The following NRG2 variants were observed in gnomAD, a reference collection of about 807,000 sequenced individuals.
NRG2 encodes the protein pro-neuregulin-2, membrane-bound isoform.
In NRG2, 27 loss-of-function variants were observed where a neutral mutation model predicts 73.9. The ratio of observed to expected loss-of-function variants is 0.37; its 90% confidence interval spans 0.27 to 0.50. NRG2 has a LOEUF of 0.50. Ranked by LOEUF, NRG2 falls within the 20% of genes least tolerant of loss-of-function variation. The pLI is 0.96. For missense variants in NRG2, 1,126 were observed against 1,210.1 expected (o/e 0.93, Z 1.03); for synonymous variants, 532 against 541.0 (o/e 0.98, Z 0.23).
chr5:139,888,767 T>G (rs1324365314), intron 1 of NRG2, among the ~76,000 whole-genome samples: 1 of 152,156 alleles, frequency 6.6e-6, no homozygotes, highest in Non-Finnish European at 1.5e-5. Context: ...TACACAATGA[T>G]TCTCGTAAAA....
At chr5:139,946,170 G>C (rs377156718) in intron 1 of NRG2, among the ~76,000 whole-genome samples, 4 of 151,918 alleles carry the variant, frequency 2.6e-5, no homozygotes, top group Admixed American at 6.6e-5. Flanking sequence ...TTTTGAAAAA[G>C]AAGAACAAAG....
At position 139,954,618 on chromosome 5, in the gene NRG2, T is replaced by C. The variant is rs997915927; in HGVS notation, c.701-67107A>G. 1.3e-5 allele frequency among the ~76,000 whole-genome samples: 2 copies of C among 152,208 alleles called. No homozygotes were observed. Among genetic ancestry groups the C allele is most frequent in the Non-Finnish European group, 2.9e-5 (2 of 68,028 alleles). On this transcript the variant is annotated intron_variant, in intron 1 of 9. Transcript: ENST00000361474. The surrounding 1 kb of genome is among the most constrained non-coding windows in gnomAD (Gnocchi z 5.0). Reference sequence around the variant, plus strand: ...TGGACGTCATCAATCCTCACTCCCATGGCTCTCCAGGCCAAGCCCTCCACC... The same window carrying C: ...TGGACGTCATCAATCCTCACTCCCACGGCTCTCCAGGCCAAGCCCTCCACC...
At chr5:140,041,531 A>G (rs1424144749) in intron 1 of NRG2, among the ~76,000 whole-genome samples, 1 of 152,168 alleles carries the variant, frequency 6.6e-6, no homozygotes, top group Non-Finnish European at 1.5e-5. Context: ...AGCATCCAAC[A>G]TCATGAAGAT....
intron 1 of NRG2, among the ~76,000 whole-genome samples, chr5:139,972,807 C>T (rs1360464310): frequency 6.6e-6 from 1 of 152,012 alleles, no homozygotes; most frequent in African/African-American, 2.4e-5. Context: ...AAGATTAATA[C>T]CCTAGATATA....
chr5:139,970,655 T>A (rs1423880525), intron 1 of NRG2, among the ~76,000 whole-genome samples: 1 of 152,192 alleles, frequency 6.6e-6, no homozygotes, highest in African/African-American at 2.4e-5. Flanking sequence ...TGGGACCATC[T>A]TCTCCTCTAG....
At position 140,042,400 on chromosome 5, in the gene NRG2, C is replaced by T. The variant is rs778129796; in HGVS notation, c.670G>A (p.Glu224Lys). ...LDTNGKNLKK[E>K]VGKILCTDCA... is the part of the protein sequence containing the mutation. ...TCAGTGCACAGGATCTTGCCCACCT[C>T]TTTCTTGAGATTTTTGCCGTTGGTA... The change falls in exon 1 of 10, where the codon GAG becomes AAG. Residue 224 changes from glutamate to lysine, a missense_variant. Around this residue, in one of 3 missense-constraint regions of NRG2, gnomAD observed 539 missense variants for 703.2 expected, o/e 0.77. Coordinates refer to ENST00000361474, the MANE Select transcript of NRG2 (RefSeq NM_004883.3). The T allele has an allele frequency of 1.3e-6, 2 of 1,596,060 alleles. No homozygotes were observed. The highest frequency in any genetic ancestry group is 1.7e-6 in the Non-Finnish European group (2 of 1,170,648).
At chr5:139,874,049 A>G (rs1661115864) in intron 3 of NRG2, among the ~76,000 whole-genome samples, 1 of 151,418 alleles carries the variant, frequency 6.6e-6, no homozygotes, top group South Asian at 2.1e-4. Context: ...TCCATCTCAG[A>G]AAGGCCACTC....
At chr5:139,855,115 A>C (rs1048629136) in intron 6 of NRG2, among the ~76,000 whole-genome samples, 1 of 152,056 alleles carries the variant, frequency 6.6e-6, no homozygotes, top group Non-Finnish European at 1.5e-5. Flanking sequence ...CCAGAGGGGG[A>C]CCAGCCCTGC....
chr5:139,877,759 AG>A (rs1239903948), intron 3 of NRG2, among the ~76,000 whole-genome samples: 2 of 152,224 alleles, frequency 1.3e-5, no homozygotes, highest in Admixed American at 6.5e-5. Flanking sequence ...TTTAGAGGGA[AG>A]GGGGCTTAAA....
chr5:140,021,267 T>C (rs1460882441), intron 1 of NRG2, among the ~76,000 whole-genome samples: 1 of 152,152 alleles, frequency 6.6e-6, no homozygotes, highest in African/African-American at 2.4e-5. Context: ...AAGTGACAAA[T>C]GGAGTTTAAA....
intron 1 of NRG2, among the ~76,000 whole-genome samples, chr5:140,004,120 A>G (rs935212767): frequency 6.6e-6 from 1 of 152,212 alleles, no homozygotes; most frequent in East Asian, 1.9e-4. Flanking sequence ...ATTTTCTGTG[A>G]GTGCCAGTAG....
At chr5:139,926,188 G>T (rs1351182833) in intron 1 of NRG2, among the ~76,000 whole-genome samples, 4 of 152,226 alleles carry the variant, frequency 2.6e-5, no homozygotes, top group Non-Finnish European at 5.9e-5. Context: ...GGGTCTCCAA[G>T]AGGTGATGTG....
At chr5:139,885,348 A>G (rs1483345332) in intron 2 of NRG2, among the ~76,000 whole-genome samples, 1 of 152,238 alleles carries the variant, frequency 6.6e-6, no homozygotes, top group Non-Finnish European at 1.5e-5. Context: ...AGGTATTCCC[A>G]GGCCGAGGCC....
In NRG2 at chr5:139,981,129, G is replaced by A. The variant is rs1301512286; in HGVS notation, c.700+61241C>T. On this transcript the variant is annotated intron_variant, in intron 1 of 9. Transcript: ENST00000361474. Reference sequence around the variant, plus strand: ...GAATAGAGCCAGCAGCATCTATGCTGGGCTTGCTGTACACGCTCTGAGGTC... The same window carrying A: ...GAATAGAGCCAGCAGCATCTATGCTAGGCTTGCTGTACACGCTCTGAGGTC... Among the ~76,000 whole-genome samples, 4 of 152,168 alleles carry A rather than the reference G, an allele frequency of 2.6e-5. No individual in the cohort carries two copies. The East Asian group carries it at 7.7e-4, about 29-fold the overall frequency.
rs927227128 is a variant in NRG2, at chr5:139,906,435, A to G, written c.701-18924T>C. 2.0e-5 allele frequency among the ~76,000 whole-genome samples: 3 copies of G among 152,050 alleles called. 1 individual carries two copies. Among genetic ancestry groups the G allele is most frequent in the Admixed American group, 2.0e-4 (3 of 15,270 alleles). On this transcript the variant is annotated intron_variant, in intron 1 of 9. Transcript: ENST00000361474. ...CTAGCTCACAGCCTTCTAGCCCCCA[A>G]AGCCTATACCTCAGCCACTTTACTT...
chr5:139,875,229 T>C (rs1763099184), intron 3 of NRG2, among the ~76,000 whole-genome samples: 1 of 152,202 alleles, frequency 6.6e-6, no homozygotes, highest in African/African-American at 2.4e-5. Flanking sequence ...GCCAGGATGG[T>C]CTCGATCTCC....
rs1762410623 is a variant in NRG2 at position 139,865,260 on chromosome 5, C to T, written c.1189+289G>A. ...ACCCCGGCACGGGCTCCTGCCAATGCCAGCTGGGTTCCTTGCCACCGTTAC... is the reference window on the plus strand; with the variant it reads ...ACCCCGGCACGGGCTCCTGCCAATGTCAGCTGGGTTCCTTGCCACCGTTAC... On this transcript the variant is annotated intron_variant, in intron 5 of 9. Transcript: ENST00000361474. This position sits in a 1 kb window ranked among gnomAD's most constrained non-coding sequence, Gnocchi z 5.2. 7.2e-6 allele frequency: 8 copies of T among 1,118,368 alleles called. No individual in the cohort carries two copies. In the South Asian group the frequency reaches 1.0e-4, roughly 14 times the overall value. 69.3% of individuals were successfully genotyped at this position (1,118,368 alleles called of 1,614,324 possible). A position where few individuals can be genotyped will look rare whatever the true frequency, so the allele number is the denominator to read the frequency against.
chr5:140,041,431 C>A (rs1164010615), intron 1 of NRG2, among the ~76,000 whole-genome samples: 2 of 152,192 alleles, frequency 1.3e-5, no homozygotes, highest in Non-Finnish European at 2.9e-5. Context: ...ACTGACATTT[C>A]TTTGACTTTT....
At chr5:139,989,362 C>T (rs1418064485) in intron 1 of NRG2, among the ~76,000 whole-genome samples, 1 of 151,948 alleles carries the variant, frequency 6.6e-6, no homozygotes, top group Non-Finnish European at 1.5e-5. Flanking sequence ...GAGCTGTCTA[C>T]TTTGCTGCCT....
Sources: allele counts gnomAD v4.1 joint callset (sites outside exome capture counted in the v4.1 genomes callset), GRCh38; gene constraint gnomAD v4.1.1; regional missense constraint gnomAD v4.1.1; non-coding constraint Gnocchi (gnomAD v3.1); transcripts MANE v1.5; gene names NCBI Gene and HGNC (gene_info 2026-07-23, HGNC 2026-07-21).